Variants in CAP2 observed in about 807,000 individuals in gnomAD.
The protein encoded by CAP2 is adenylyl cyclase-associated protein 2.
Under a neutral mutation model 57.7 loss-of-function variants are expected in CAP2, and 24 were observed. That is an observed-to-expected ratio of 0.42 (90% CI 0.30 to 0.58). The LOEUF (loss-of-function observed/expected upper bound fraction) is 0.58, where lower values mean the gene tolerates loss of function less well. Ranked by LOEUF, CAP2 falls within the 20% of genes least tolerant of loss-of-function variation. The pLI is 0.22. For synonymous variants in CAP2, 194 were observed against 207.2 expected (o/e 0.94, Z 0.55); for missense variants, 501 against 590.3 (o/e 0.85, Z 1.57).
At chr6:17,545,773 A>G (rs554179986) in intron 11 of CAP2, among the ~76,000 whole-genome samples, 1 of 152,052 alleles carries the variant, frequency 6.6e-6, no homozygotes, top group South Asian at 2.1e-4. Context: ...TTCAATACCT[A>G]TGAGTGAGAA....
chr6:17,541,673 G>C (rs149554790), intron 9 of CAP2, among the ~76,000 whole-genome samples: 1,705 of 152,198 alleles, frequency 0.011, 29 homozygotes, highest in African/African-American at 0.039. Flanking sequence ...GCATTTCAAG[G>C]CCTCTTTTCT....
intron 4 of CAP2, among the ~76,000 whole-genome samples, chr6:17,483,009 A>G (rs1194779167): frequency 6.6e-6 from 1 of 152,194 alleles, no homozygotes; most frequent in Non-Finnish European, 1.5e-5. Context: ...ATTCCTCTGT[A>G]CCAATAACTG....
At position 17,495,192 on chromosome 6, in the gene CAP2, C is replaced by G. The variant is rs575675429; in HGVS notation, c.301-11977C>G. Among the ~76,000 whole-genome samples, 3 of 152,262 alleles carry G rather than the reference C, an allele frequency of 2.0e-5. No homozygotes were observed. In the East Asian group the frequency reaches 5.8e-4, roughly 29 times the overall value. ...AACCCTGACTAATACATGCCCCTTG[C>G]CACTTAAACAAAAGAGGGCAGGGAC... On this transcript the variant is annotated intron_variant, in intron 4 of 12. Coordinates refer to ENST00000229922, the MANE Select transcript of CAP2 (RefSeq NM_006366.3).
chr6:17,552,832 G>A (rs1763202212), intron 12 of CAP2, among the ~76,000 whole-genome samples: 1 of 152,124 alleles, frequency 6.6e-6, no homozygotes, highest in Non-Finnish European at 1.5e-5. Context: ...CAGACGGTGT[G>A]ACTGCTGCCA....
chr6:17,520,327 C>T (rs1007534038), intron 7 of CAP2, among the ~76,000 whole-genome samples: 1 of 152,106 alleles, frequency 6.6e-6, no homozygotes, highest in African/African-American at 2.4e-5. Flanking sequence ...CCAGGCTGGT[C>T]TCAAACTCCT....
At chr6:17,401,373 G>A (rs1758812738) in intron 1 of CAP2, among the ~76,000 whole-genome samples, 1 of 152,186 alleles carries the variant, frequency 6.6e-6, no homozygotes, top group Non-Finnish European at 1.5e-5. Context: ...AATTTCTATT[G>A]TTTATAAGCT....
At chr6:17,447,432 G>A (rs920868047) in intron 3 of CAP2, among the ~76,000 whole-genome samples, 2 of 152,296 alleles carry the variant, frequency 1.3e-5, no homozygotes, top group African/African-American at 2.4e-5. Flanking sequence ...ACTAGTATTT[G>A]TGGAGGGTCT....
At chr6:17,469,199 C>T (rs1760950532) in intron 4 of CAP2, among the ~76,000 whole-genome samples, 1 of 152,256 alleles carries the variant, frequency 6.6e-6, no homozygotes, top group Non-Finnish European at 1.5e-5. Context: ...TCGGGGAATT[C>T]CTGGGAGGTC....
intron 11 of CAP2, among the ~76,000 whole-genome samples, chr6:17,550,336 TG>T (rs1763139644): frequency 6.6e-6 from 1 of 150,642 alleles, no homozygotes. Flanking sequence ...TACATATATG[TG>T]CTGTATTATT....
chr6:17,497,668 G>C (rs1465057366), intron 4 of CAP2, among the ~76,000 whole-genome samples: 1 of 152,150 alleles, frequency 6.6e-6, no homozygotes, highest in African/African-American at 2.4e-5. Flanking sequence ...AACTCATGTT[G>C]TCAAGTTCCC....
At chr6:17,497,246 G>C (rs1761690642) in intron 4 of CAP2, among the ~76,000 whole-genome samples, 1 of 152,074 alleles carries the variant, frequency 6.6e-6, no homozygotes, top group Admixed American at 6.6e-5. Flanking sequence ...AGTCCCTCTG[G>C]GTTTAAGTAA....
At chr6:17,488,435 A>G (rs1331087787) in intron 4 of CAP2, among the ~76,000 whole-genome samples, 1 of 152,120 alleles carries the variant, frequency 6.6e-6, no homozygotes, top group Non-Finnish European at 1.5e-5. Context: ...CCACAGCCCC[A>G]CTGTAACCAT....
chr6:17,537,831 T>G (rs1239038083), intron 7 of CAP2, among the ~76,000 whole-genome samples: 1 of 152,044 alleles, frequency 6.6e-6, no homozygotes, highest in Non-Finnish European at 1.5e-5. Context: ...TTTGGGAGGC[T>G]GAGGCGGGTG....
At chr6:17,436,888 A>T (rs1368916087) in intron 3 of CAP2, among the ~76,000 whole-genome samples, 1 of 152,128 alleles carries the variant, frequency 6.6e-6, no homozygotes, top group Non-Finnish European at 1.5e-5. Flanking sequence ...TTACTACCTG[A>T]GCTCTGCCTT....
intron 9 of CAP2, among the ~76,000 whole-genome samples, chr6:17,541,483 G>T (rs957795439): frequency 2.6e-5 from 4 of 151,958 alleles, no homozygotes; most frequent in Non-Finnish European, 5.9e-5. Flanking sequence ...GAGAGGCTGA[G>T]ACAGGAGAAT....
chr6:17,395,505 G>T (rs115809694), intron 1 of CAP2, among the ~76,000 whole-genome samples: 1 of 152,158 alleles, frequency 6.6e-6, no homozygotes, highest in Non-Finnish European at 1.5e-5. Context: ...TGTCCTTCTA[G>T]TAGTAGTTTG....
intron 3 of CAP2, among the ~76,000 whole-genome samples, chr6:17,454,923 C>A (rs1435434777): frequency 1.3e-5 from 2 of 152,024 alleles, no homozygotes; most frequent in Non-Finnish European, 2.9e-5. Context: ...TTCATCCCGT[C>A]ACTTAAAAAA....
At chr6:17,417,486 G>A (rs1380750598) in intron 1 of CAP2, among the ~76,000 whole-genome samples, 18 of 151,952 alleles carry the variant, frequency 1.2e-4, no homozygotes, top group Non-Finnish European at 2.6e-4. Flanking sequence ...TGTTGCCCAG[G>A]CTGGTCTAGA....
At chr6:17,549,760 A>G (rs1383445781) in intron 11 of CAP2, among the ~76,000 whole-genome samples, 2 of 152,144 alleles carry the variant, frequency 1.3e-5, no homozygotes, top group Non-Finnish European at 1.5e-5. Context: ...GTCTGATGCT[A>G]TAGGATTGCT....
Sources: gnomAD v4.1 joint callset for allele counts (sites outside exome capture counted in the v4.1 genomes callset) on GRCh38, gnomAD v4.1.1 for gene constraint, MANE v1.5 for transcripts, NCBI Gene and HGNC (gene_info 2026-07-23, HGNC 2026-07-21) for gene names.